The following PTK2B variants were observed in gnomAD, a reference collection of about 807,000 sequenced individuals.
PTK2B encodes the protein protein-tyrosine kinase 2-beta.
Under a neutral mutation model 142.9 loss-of-function variants are expected in PTK2B, and 71 were observed. That is an observed-to-expected ratio of 0.50 (90% CI 0.41 to 0.61). PTK2B has a LOEUF of 0.61. Ranked by LOEUF, PTK2B falls within the 20% of genes least tolerant of loss-of-function variation. PTK2B has a pLI of 0.00. For synonymous variants in PTK2B, 519 were observed against 503.4 expected, an observed-to-expected ratio of 1.03 and a Z score of -0.42; for missense variants, 1,105 against 1,320.4, an observed-to-expected ratio of 0.84 and a Z score of 2.53.
intron 30 of PTK2B, among the ~76,000 whole-genome samples, chr8:27,456,012 C>A (rs1031554462): frequency 7.2e-5 from 11 of 152,220 alleles, no homozygotes; most frequent in African/African-American, 2.4e-4. Flanking sequence ...TCTGGCCTCT[C>A]TCTCAGGGGC....
intron 2 of PTK2B, among the ~76,000 whole-genome samples, chr8:27,399,654 C>T (rs951212336): frequency 2.0e-5 from 3 of 152,126 alleles, no homozygotes; most frequent in Admixed American, 1.3e-4. Flanking sequence ...AGAAGAATGG[C>T]TTTGAGGCAT....
intron 1 of PTK2B, among the ~76,000 whole-genome samples, chr8:27,326,057 G>A (rs57900986): frequency 2.2e-4 from 34 of 151,946 alleles, no homozygotes; most frequent in African/African-American, 8.0e-4. Flanking sequence ...TCCTGCCCCC[G>A]CTCCCCGCTC....
chr8:27,326,226 ATGTGTGTGTGTG>A (rs4054914), intron 1 of PTK2B, among the ~76,000 whole-genome samples: 7 of 146,800 alleles, frequency 4.8e-5, no homozygotes, highest in African/African-American at 1.0e-4. Context: ...GCTCGTGTGT[ATGTGTGTGTGTG>A]TGTGTGTGTG....
chr8:27,367,226 G>T (rs1806069304), intron 1 of PTK2B, among the ~76,000 whole-genome samples: 1 of 152,192 alleles, frequency 6.6e-6, no homozygotes, highest in African/African-American at 2.4e-5. Context: ...AATGTCAAGG[G>T]CTCTTTGTCC....
chr8:27,385,412 A>C (rs1807287963), intron 1 of PTK2B, among the ~76,000 whole-genome samples: 1 of 152,194 alleles, frequency 6.6e-6, no homozygotes, highest in Non-Finnish European at 1.5e-5. Flanking sequence ...AACTTTCTGT[A>C]ATCCTAGGCA....
intron 1 of PTK2B, among the ~76,000 whole-genome samples, chr8:27,362,093 G>A (rs1216010772): frequency 3.9e-5 from 6 of 152,162 alleles, no homozygotes; most frequent in Admixed American, 2.6e-4. Context: ...GACACAAATC[G>A]CTGACCTGTC....
At chr8:27,417,258 G>A (rs2322715) in intron 2 of PTK2B, among the ~76,000 whole-genome samples, 123,799 of 152,210 alleles carry the variant, frequency 0.81, 50,878 homozygotes, top group Middle Eastern at 0.95. Flanking sequence ...CGATTGATAA[G>A]TAGGAATGAA....
In PTK2B at chr8:27,353,671, C is replaced by A. The variant is rs76922074; in HGVS notation, c.-38+27990C>A. Among the ~76,000 whole-genome samples the A allele has an allele frequency of 5.4e-3, 816 of 152,260 alleles. 5 individuals carry two copies. Among genetic ancestry groups the A allele is most frequent in the African/African-American group, 0.018 (761 of 41,534 alleles). ...ATGAGGCAACTAGGGTAGGGCTGTTCCCAGGGGAGGCTGTTCAGGAGGCAC... is the reference window on the plus strand; with the variant it reads ...ATGAGGCAACTAGGGTAGGGCTGTTACCAGGGGAGGCTGTTCAGGAGGCAC... On this transcript the variant is annotated intron_variant, in intron 1 of 30. Coordinates refer to ENST00000346049, the MANE Select transcript of PTK2B (RefSeq NM_173176.3).
At position 27,405,035 on chromosome 8, in the gene PTK2B, C is replaced by CCTCTCTCTCTCTCTCTCTCTCTCTCTCT. The variant is rs3076734; in HGVS notation, c.204+7254_204+7281dup. On this transcript the variant is annotated intron_variant, in intron 2 of 30. Transcript: ENST00000346049. ...CTCCCTCCCTTCCTCTCTTTCTCTT[C>CCTCTCTCTCTCTCTCTCTCTCTCTCTCT]CTCTCTCTCTCTCTCTCTCTCTCTC... Among the ~76,000 whole-genome samples, 100 of 119,586 alleles carry CCTCTCTCTCTCTCTCTCTCTCTCTCTCT rather than the reference C, an allele frequency of 8.4e-4. 3 individuals carry two copies. The highest frequency in any genetic ancestry group is 1.6e-3 in the African/African-American group (45 of 28,946). The allele number at this position is 119,586 out of a possible 152,430, so 78.5% of individuals were successfully genotyped here. A position where few individuals can be genotyped will look rare whatever the true frequency, so the allele number is the denominator to read the frequency against.
chr8:27,315,307 T>C (rs1294642553), intron 3 of PTK2B, among the ~76,000 whole-genome samples: 1 of 152,192 alleles, frequency 6.6e-6, no homozygotes, highest in Non-Finnish European at 1.5e-5. Flanking sequence ...ACTTGCATGC[T>C]AGGTGATTCT....
In PTK2B at chr8:27,435,868, C is replaced by T. The variant is rs527737473; in HGVS notation, c.1243+75C>T. 893 of 1,500,854 alleles carry T rather than the reference C, an allele frequency of 5.9e-4. 1 individual carries two copies. Among genetic ancestry groups the T allele is most frequent in the Non-Finnish European group, 7.9e-4 (846 of 1,077,108 alleles). 93.0% of individuals were successfully genotyped at this position (1,500,854 alleles called of 1,614,324 possible). A position where few individuals can be genotyped will look rare whatever the true frequency, so the allele number is the denominator to read the frequency against. ...GACATGGCAAGGACTCTGGTGACAC[C>T]ACAGGGAACATTCTTTTCCTCCTTT... On this transcript the variant is annotated intron_variant, in intron 14 of 30. Coordinates refer to ENST00000346049, the MANE Select transcript of PTK2B (RefSeq NM_173176.3).
In PTK2B at chr8:27,434,544, G is replaced by T; in HGVS notation, c.1177G>T (p.Glu393Ter). The change falls in exon 13 of 31, where the codon GAG becomes TAG. Residue 393 changes from glutamate (E) to a stop codon, truncating the protein, a stop_gained. Transcript: ENST00000346049. LOFTEE classifies it high-confidence loss of function. ...GGAGGCCCGGCGGTCCCACCTCTCA[G>T]AGAGCTGCAGCATAGGTGAGCTGCC... ...NLEARRSHLS[E>*]SCSIESDIYA... 6.2e-7 allele frequency: 1 copy of T among 1,606,806 alleles called. No individual in the cohort carries two copies.
rs17056989 is a variant in PTK2B at position 27,311,588 on chromosome 8, G to C, written c.-702G>C. 7 of 322,392 alleles carry C rather than the reference G, an allele frequency of 2.2e-5. No individual in the cohort carries two copies. The East Asian group carries it at 3.9e-4, about 18-fold the overall frequency. 20.0% of individuals were successfully genotyped at this position (322,392 alleles called of 1,614,324 possible). On this transcript the variant is annotated 5_prime_UTR_variant, in exon 1 of 36. Transcript: ENST00000397501. ...CCGTGTTACTGGAAACCTACTTCCG[G>C]CTGCAAATGGGAAAAGGAGCCTCTA...
chr8:27,430,262 G>C lies in PTK2B; in HGVS notation c.615-102G>C. The C allele has an allele frequency of 1.9e-6, 3 of 1,582,604 alleles. No homozygotes were observed. In the South Asian group the frequency reaches 3.3e-5, roughly 18 times the overall value. Reference sequence around the variant, plus strand: ...CCCCAGACCAGAGCCACATAGGGCCGTCTCTAGGTCCCAAAGCCCTCTCAC... The same window carrying C: ...CCCCAGACCAGAGCCACATAGGGCCCTCTCTAGGTCCCAAAGCCCTCTCAC... On this transcript the variant is annotated intron_variant, in intron 6 of 30. Coordinates refer to ENST00000346049, the MANE Select transcript of PTK2B (RefSeq NM_173176.3).
chr8:27,450,816 A>G lies in PTK2B; in HGVS notation c.2408A>G (p.Lys803Arg). The change falls in exon 25 of 31, where the codon AAA (lysine) becomes AGA (arginine). Residue 803 changes from lysine (K) to arginine (R), a missense_variant. By Grantham distance (26) the Lys-to-Arg change is conservative. Transcript: ENST00000346049. ...CAGCTGTGGGAGGCTGAAAAGGTCA[A>G]AATGCGGCAAATCCTGGACAAACAG... The part of the protein sequence containing the change: ...AQQLWEAEKV[K>R]MRQILDKQQK... The G allele has an allele frequency of 6.2e-7, 1 of 1,614,218 alleles. No individual in the cohort carries two copies. The highest frequency in any genetic ancestry group is 8.5e-7 in the Non-Finnish European group (1 of 1,180,030).
intron 1 of PTK2B, among the ~76,000 whole-genome samples, chr8:27,353,761 G>T (rs1351777405): frequency 6.6e-6 from 1 of 152,192 alleles, no homozygotes; most frequent in African/African-American, 2.4e-5. Flanking sequence ...AACCTTATCA[G>T]TCACTTAGAC....
chr8:27,343,934 C>T (rs939622430), intron 1 of PTK2B, among the ~76,000 whole-genome samples: 7 of 151,866 alleles, frequency 4.6e-5, no homozygotes, highest in African/African-American at 1.2e-4. Context: ...ACCCAGGAGG[C>T]GGAGCTTGCA....
chr8:27,357,506 G>A (rs1431431071), intron 1 of PTK2B, among the ~76,000 whole-genome samples: 1 of 152,334 alleles, frequency 6.6e-6, no homozygotes, highest in Non-Finnish European at 1.5e-5. Context: ...GGGCCACCCC[G>A]TGCCTGCCAT....
At chr8:27,379,866 G>A (rs1806905963) in intron 1 of PTK2B, among the ~76,000 whole-genome samples, 1 of 152,092 alleles carries the variant, frequency 6.6e-6, no homozygotes, top group South Asian at 2.1e-4. Flanking sequence ...TCAGCCTCTT[G>A]AGTAACTGGG....
Sources: allele counts gnomAD v4.1 joint callset (sites outside exome capture counted in the v4.1 genomes callset), GRCh38; gene constraint gnomAD v4.1.1; transcripts MANE v1.5; gene names NCBI Gene and HGNC (gene_info 2026-07-23, HGNC 2026-07-21).